Variants in CCDC88A observed in about 807,000 individuals in gnomAD.
The protein encoded by CCDC88A is girdin.
A neutral mutation model predicts 234.3 loss-of-function variants in CCDC88A; 54 were observed. That is an observed-to-expected ratio of 0.23 (90% CI 0.19 to 0.29). The LOEUF (loss-of-function observed/expected upper bound fraction) is 0.29, where lower values mean the gene tolerates loss of function less well. Among genes scored for constraint, CCDC88A ranks in the 10% least tolerant of loss-of-function variants. The pLI, the probability that CCDC88A is intolerant of heterozygous loss-of-function variation, is 1.00. For synonymous variants in CCDC88A, 753 were observed against 737.8 expected (o/e 1.02, Z -0.33); for missense variants, 1,832 against 2,123.4 (o/e 0.86, Z 2.70).
In CCDC88A at chr2:55,291,761, G is replaced by A; in HGVS notation, c.5566C>T (p.Gln1856Ter). ...TTAASNVDKV[Q>*]ESRNSKSRSR... The stretch of plus-strand genomic sequence containing the variant: ...CTGCTTTTTGAATTTCTGCTTTCTT[G>A]TACTTTGTCCACATCTGCAGGAGAA... Residue 1856 changes from glutamine to a stop codon, truncating the protein, a stop_gained, in exon 32 of 33, where the codon CAA (glutamine) becomes TAA (stop). Transcript: ENST00000436346. LOFTEE classifies it high-confidence loss of function. 6.2e-7 allele frequency: 1 copy of A among 1,611,498 alleles called. No homozygotes were observed. The highest frequency in any genetic ancestry group is 8.5e-7 in the Non-Finnish European group (1 of 1,178,396).
chr2:55,364,534 T>C (rs1574293665), intron 5 of CCDC88A, among the ~76,000 whole-genome samples: 1 of 152,062 alleles, frequency 6.6e-6, no homozygotes. Flanking sequence ...CTTCATCCTA[T>C]CAAGCTTAAT....
rs1441802313 is a variant in CCDC88A, at chr2:55,407,717, TA to T, written c.164+11098del. ...TTATTCATTGCCCAGCTTTCTAGTT[TA>T]ATTTTTTTTTTTTTTTTGAGACAGA... On this transcript the variant is annotated intron_variant, in intron 2 of 32. Coordinates refer to ENST00000436346, the MANE Select transcript of CCDC88A (RefSeq NM_001365480.1). Among the ~76,000 whole-genome samples the T allele has an allele frequency of 8.4e-4, 127 of 150,382 alleles. 1 individual carries two copies. The highest frequency in any genetic ancestry group is 3.0e-3 in the African/African-American group (120 of 40,034).
At chr2:55,322,065 A>G (rs972963181) in intron 18 of CCDC88A, among the ~76,000 whole-genome samples, 32 of 152,186 alleles carry the variant, frequency 2.1e-4, no homozygotes, top group Admixed American at 1.1e-3. Context: ...GAACTAATTT[A>G]GCAAATATTT....
intron 19 of CCDC88A, among the ~76,000 whole-genome samples, chr2:55,318,108 G>A (rs1683192271): frequency 6.6e-6 from 1 of 152,062 alleles, no homozygotes; most frequent in African/African-American, 2.4e-5. Flanking sequence ...TATTTTAAAT[G>A]AAGGTGATTA....
intron 2 of CCDC88A, chr2:55,406,268 G>A (rs951429638): frequency 3.3e-5 from 5 of 152,090 alleles, no homozygotes; most frequent in Non-Finnish European, 5.9e-5. Flanking sequence ...AAGGAGTTGG[G>A]AAAAATTAAG....
At chr2:55,402,971 T>C (rs192690328) in intron 2 of CCDC88A, among the ~76,000 whole-genome samples, 563 of 151,996 alleles carry the variant, frequency 3.7e-3, no homozygotes, top group Non-Finnish European at 6.5e-3. Flanking sequence ...ATCACGCCAC[T>C]GCACTCCAGC....
chr2:55,362,371 T>G lies in CCDC88A; in HGVS notation c.564A>C (p.Pro188=). The change falls in exon 7 of 33, where the codon CCA becomes CCC. Residue 188 remains proline (P), a synonymous_variant. Transcript: ENST00000436346. ...VTDMSQEDIE[P]LLKNMALHLK... is the part of the protein sequence containing the mutation. ...GATGCAATGCCATATTTTTCAAGAG[T>G]GGTTCTATGTCCTCCTGCGACATAT... The G allele has an allele frequency of 3.1e-6, 5 of 1,599,766 alleles. No individual in the cohort carries two copies. Among genetic ancestry groups the G allele is most frequent in the Non-Finnish European group, 4.3e-6 (5 of 1,174,124 alleles).
At chr2:55,379,823 G>T (rs761026093) in intron 3 of CCDC88A, among the ~76,000 whole-genome samples, 27 of 152,128 alleles carry the variant, frequency 1.8e-4, no homozygotes, top group Admixed American at 6.6e-4. Context: ...TGAGGCAGGA[G>T]AATTGCTGGA....
chr2:55,408,526 G>C (rs1198049816), intron 2 of CCDC88A, among the ~76,000 whole-genome samples: 1 of 152,122 alleles, frequency 6.6e-6, no homozygotes, highest in African/African-American at 2.4e-5. Context: ...GCTGACAAGA[G>C]TGTCCTCTGG....
chr2:55,407,117 G>A (rs1679723047), intron 2 of CCDC88A, among the ~76,000 whole-genome samples: 1 of 150,980 alleles, frequency 6.6e-6, no homozygotes, highest in Non-Finnish European at 1.5e-5. Flanking sequence ...AGGAAGCTGA[G>A]GTAGGAGGAT....
intron 10 of CCDC88A, among the ~76,000 whole-genome samples, chr2:55,345,125 A>T (rs573398577): frequency 6.6e-6 from 1 of 152,318 alleles, no homozygotes; most frequent in South Asian, 2.1e-4. Context: ...AAGTATACTA[A>T]GACAGTGGTA....
chr2:55,360,572 AT>A, intron 7 of CCDC88A, among the ~76,000 whole-genome samples: 1 of 152,348 alleles, frequency 6.6e-6, no homozygotes, highest in Admixed American at 6.5e-5. Context: ...TGAAAAAGAA[AT>A]TCAACAAAAA....
At chr2:55,308,617 T>C in intron 25 of CCDC88A, 192 bp downstream of exon 25, 1 of 557,758 alleles carries the variant, frequency 1.8e-6, no homozygotes, top group South Asian at 2.3e-5. Context: ...CAAATGATAG[T>C]ATATCTGTGT....
chr2:55,296,221 G>A (rs1680014137), intron 30 of CCDC88A, 37 bp downstream of exon 30: 7 of 1,563,708 alleles, frequency 4.5e-6, no homozygotes, highest in Non-Finnish European at 6.1e-6. Context: ...AACTTGTGGT[G>A]TTCATCTAAA....
Position 55,328,995 on chromosome 2 carries a change from C to T in CCDC88A, c.2856-560G>A, listed in dbSNP as rs144232052. On this transcript the variant is annotated intron_variant, in intron 16 of 32. Transcript: ENST00000436346. This position sits in a 1 kb window ranked among gnomAD's most constrained non-coding sequence, Gnocchi z 4.3. Reference sequence around the variant, plus strand: ...ATGTTGATCAGGCTGGTCTCGAACTCCCGACCTCAGGTGATCCACCCACCT... The same window carrying T: ...ATGTTGATCAGGCTGGTCTCGAACTTCCGACCTCAGGTGATCCACCCACCT... The T allele has an allele frequency of 0.035, 5,276 of 152,360 alleles. 278 individuals are homozygous for T. The highest frequency in any genetic ancestry group is 0.12 in the African/African-American group (4,999 of 41,482). 9.4% of individuals were successfully genotyped at this position (152,360 alleles called of 1,614,324 possible). A position where few individuals can be genotyped will look rare whatever the true frequency, so the allele number is the denominator to read the frequency against.
chr2:55,303,251 T>G, intron 25 of CCDC88A, 99 bp from the exon 26 acceptor site: 1 of 758,042 alleles, frequency 1.3e-6, no homozygotes, highest in South Asian at 1.5e-5. Flanking sequence ...AGGACAGAAA[T>G]GAATGTTTGA....
Position 55,339,634 on chromosome 2 carries a change from G to C in CCDC88A, c.1348C>G (p.Leu450Val), listed in dbSNP as rs1166189346. 3 of 1,602,778 alleles carry C rather than the reference G, an allele frequency of 1.9e-6. No individual in the cohort carries two copies. The South Asian group carries it at 3.4e-5, about 18-fold the overall frequency. Residue 450 changes from leucine (L) to valine (V), a missense_variant, in exon 13 of 33, where the codon CTG becomes GTG. Physicochemically the swap from Leu to Val is conservative, Grantham distance 32. Coordinates refer to ENST00000436346, the MANE Select transcript of CCDC88A (RefSeq NM_001365480.1). ...GTCAACTCATTCACCTCATGGCCCA[G>C]GGATTTCTGGGGTGCTATAATATTG... ...SELSEAPQKS[L>V]GHEVNELTSS... is the part of the protein sequence containing the mutation.
At chr2:55,390,365 C>T (rs999451676) in intron 2 of CCDC88A, among the ~76,000 whole-genome samples, 1 of 152,134 alleles carries the variant, frequency 6.6e-6, no homozygotes, top group Non-Finnish European at 1.5e-5. Context: ...ACTCTGAGAA[C>T]CACTGCTTCA....
chr2:55,349,734 T>TA (rs34581861), intron 8 of CCDC88A, 135 bp from the exon 9 acceptor site: 3,814 of 130,656 alleles, frequency 0.029, 1 homozygote, highest in South Asian at 0.034. Flanking sequence ...ATCTAGAAGA[T>TA]AAAAAAAAAA....
Sources: gnomAD v4.1 joint callset for allele counts (sites outside exome capture counted in the v4.1 genomes callset) on GRCh38, gnomAD v4.1.1 for gene constraint, Gnocchi (gnomAD v3.1) non-coding constraint, MANE v1.5 for transcripts, NCBI Gene and HGNC (gene_info 2026-07-23, HGNC 2026-07-21) for gene names.